Variants in STK3 observed in about 807,000 individuals in gnomAD.
The protein encoded by STK3 is serine/threonine kinase 3.
In STK3, 41 loss-of-function variants were observed where a neutral mutation model predicts 58.0. The ratio of observed to expected loss-of-function variants is 0.71; its 90% CI spans 0.55 to 0.92. The LOEUF (loss-of-function observed/expected upper bound fraction) is 0.92, where lower values mean the gene tolerates loss of function less well. Among genes scored for constraint, STK3 ranks in the 40% least tolerant of loss-of-function variants. STK3 has a pLI of 0.00. For missense variants in STK3, 479 were observed against 602.7 expected (o/e 0.79, Z 2.15); for synonymous variants, 170 against 191.0 (o/e 0.89, Z 0.91).
At chr8:98,655,680 T>G (rs1821432318) in intron 6 of STK3, among the ~76,000 whole-genome samples, 2 of 151,574 alleles carry the variant, frequency 1.3e-5, no homozygotes, top group Non-Finnish European at 2.9e-5. Context: ...GCGAAGGACA[T>G]GAACAGACAC....
intron 6 of STK3, among the ~76,000 whole-genome samples, chr8:98,678,345 T>C (rs1374751538): frequency 6.6e-6 from 1 of 152,122 alleles, no homozygotes; most frequent in East Asian, 1.9e-4. Flanking sequence ...ATGCTACACC[T>C]TAAATTAAAA....
intron 6 of STK3, among the ~76,000 whole-genome samples, chr8:98,699,945 TTGTC>T (rs1482498939): frequency 2.0e-5 from 3 of 152,200 alleles, no homozygotes; most frequent in Admixed American, 1.3e-4. Context: ...GTCTTTTTGT[TTGTC>T]TGTGCCCTGC....
At chr8:98,929,801 T>G (rs1326973565) in intron 1 of STK3, among the ~76,000 whole-genome samples, 1 of 152,250 alleles carries the variant, frequency 6.6e-6, no homozygotes. Flanking sequence ...TATCATGATT[T>G]TCTCTGTCTT....
chr8:98,654,888 T>C (rs1040065811), intron 6 of STK3, among the ~76,000 whole-genome samples: 5 of 151,904 alleles, frequency 3.3e-5, no homozygotes, highest in Non-Finnish European at 5.9e-5. Context: ...AGAATCAATA[T>C]CGTGAAAATG....
chr8:98,439,734 C>G (rs1818623912), intron 1 of STK3, among the ~76,000 whole-genome samples: 1 of 152,162 alleles, frequency 6.6e-6, no homozygotes, highest in Admixed American at 6.5e-5. Context: ...ATTGCTGATC[C>G]TCTAGCAAAA....
intron 4 of STK3, among the ~76,000 whole-genome samples, chr8:98,735,229 C>G (rs1022137630): frequency 8.6e-5 from 13 of 151,996 alleles, no homozygotes; most frequent in African/African-American, 2.9e-4. Flanking sequence ...TTATCAAAGG[C>G]TTGTAGGTGC....
Position 98,774,739 on chromosome 8 carries a change from C to T in STK3, c.107G>A (p.Gly36Glu). The change falls in exon 2 of 11, where the codon GGG becomes GAG. Residue 36 changes from glycine (G) to glutamate (E), a missense_variant and splice_region_variant. Transcript: ENST00000419617. Reference protein sequence around the residue: ...VFDVLEKLGEGSYGSVFKAIH... With the variant: ...VFDVLEKLGEESYGSVFKAIH... ...ATGCTTTCATACTTTTTGTACTTACCCTTCTCCAAGCTTCTCTAATACATC... is the reference window on the plus strand; with the variant it reads ...ATGCTTTCATACTTTTTGTACTTACTCTTCTCCAAGCTTCTCTAATACATC... 2.5e-6 allele frequency: 4 copies of T among 1,572,104 alleles called. No homozygotes were observed. The highest frequency in any genetic ancestry group is 2.6e-6 in the Non-Finnish European group (3 of 1,161,628).
chr8:98,430,488 T>C (rs1411542893), intron 3 of STK3: 1 of 167,122 alleles, frequency 6.0e-6, no homozygotes, highest in Non-Finnish European at 1.5e-5. Flanking sequence ...TTTTGTTGCC[T>C]ACTCTGAAAG....
chr8:98,427,988 C>T (rs1453987654), intron 3 of STK3: 21 of 1,550,424 alleles, frequency 1.4e-5, no homozygotes, highest in Non-Finnish European at 1.7e-5. Flanking sequence ...GCATGACCGG[C>T]CAGAGCCTGT....
chr8:98,810,061 G>C (rs1834119437), intron 1 of STK3, among the ~76,000 whole-genome samples: 1 of 152,142 alleles, frequency 6.6e-6, no homozygotes, highest in Non-Finnish European at 1.5e-5. Flanking sequence ...GCAGGAGGAA[G>C]AGAGAGAGAT....
intron 10 of STK3, among the ~76,000 whole-genome samples, chr8:98,486,214 GA>G (rs936289960): frequency 2.6e-5 from 4 of 151,662 alleles, no homozygotes; most frequent in South Asian, 2.1e-4. Context: ...GTGTGTGGGG[GA>G]AAAAAAACTG....
chr8:98,654,180 TACAGAAATCAATAAATGTAATCCAGC>T (rs1821252566), intron 6 of STK3, among the ~76,000 whole-genome samples: 2 of 152,164 alleles, frequency 1.3e-5, no homozygotes, highest in Admixed American at 1.3e-4. Flanking sequence ...TGGTTCGATA[TACAGAAATCAATAAATGTAATCCAGC>T]ACAGAAACAG....
intron 6 of STK3, among the ~76,000 whole-genome samples, chr8:98,695,354 G>A (rs1417571997): frequency 7.2e-5 from 11 of 152,094 alleles, no homozygotes; most frequent in Admixed American, 1.3e-4. Context: ...AGTTTAATTA[G>A]ATCCCATTTG....
intron 1 of STK3, chr8:98,782,128 A>G (rs1044747516): frequency 4.2e-6 from 1 of 237,264 alleles, no homozygotes; most frequent in Non-Finnish European, 8.5e-6. Context: ...AATGAGACCA[A>G]TGAAATTGGC....
intron 4 of STK3, among the ~76,000 whole-genome samples, chr8:98,712,833 T>C (rs1343726230): frequency 2.0e-5 from 3 of 151,850 alleles, no homozygotes; most frequent in Admixed American, 2.0e-4. Context: ...GAATATACAT[T>C]CTTTTCAGCA....
chr8:98,748,530 T>G (rs1379808566), intron 4 of STK3, among the ~76,000 whole-genome samples: 1 of 152,108 alleles, frequency 6.6e-6, no homozygotes, highest in African/African-American at 2.4e-5. Flanking sequence ...TCTGAATGTA[T>G]TTTACTGAAA....
At chr8:98,831,435 T>C (rs566552815) in intron 3 of STK3, among the ~76,000 whole-genome samples, 1 of 152,250 alleles carries the variant, frequency 6.6e-6, no homozygotes, top group African/African-American at 2.4e-5. Context: ...CTTTTGAGTT[T>C]TGTAGAAACA....
chr8:98,905,413 G>C lies in STK3; in HGVS notation c.-78-21579C>G, dbSNP rs1312226987. ...TGAAGCTCTTGGTTGGTACAAGTGG[G>C]ACTGATGTTACCCACGTGTAACTTG... On this transcript the variant is annotated intron_variant, in intron 1 of 1. Coordinates refer to the STK3 transcript ENST00000519420. 7 of 1,288,740 alleles carry C rather than the reference G, an allele frequency of 5.4e-6. No individual in the cohort carries two copies. The Admixed American group carries it at 1.2e-4, about 22-fold the overall frequency. 79.8% of individuals were successfully genotyped at this position (1,288,740 alleles called of 1,614,324 possible). A position where few individuals can be genotyped will look rare whatever the true frequency, so the allele number is the denominator to read the frequency against.
intron 3 of STK3, among the ~76,000 whole-genome samples, chr8:98,844,967 A>G (rs1836146736): frequency 6.6e-6 from 1 of 152,172 alleles, no homozygotes; most frequent in Non-Finnish European, 1.5e-5. Context: ...CGTGACAAAA[A>G]CTGACAATGG....
Sources: allele counts gnomAD v4.1 joint callset (sites outside exome capture counted in the v4.1 genomes callset), GRCh38; gene constraint gnomAD v4.1.1; transcripts MANE v1.5; gene names NCBI Gene and HGNC (gene_info 2026-07-23, HGNC 2026-07-21).